CERS6: variants seen among roughly 807,000 people sequenced by gnomAD.
The protein encoded by CERS6 is LAG1 homolog, ceramide synthase 6.
Under a neutral mutation model 56.8 loss-of-function variants are expected in CERS6, and 26 were observed. The observed-to-expected ratio is 0.46, with a 90% CI of 0.34 to 0.63. The LOEUF (loss-of-function observed/expected upper bound fraction) is 0.63, where lower values mean the gene tolerates loss of function less well. Ranked by LOEUF, CERS6 falls within the 30% of genes least tolerant of loss-of-function variation. The probability of loss-of-function intolerance (pLI) is 0.01; values close to 1 mark genes in which losing one functional copy is unlikely to be tolerated. For synonymous variants in CERS6, 164 were observed against 173.3 expected (o/e 0.95, Z 0.42); for missense variants, 415 against 467.5 (o/e 0.89, Z 1.04).
rs1685996649 is a variant in CERS6 at position 168,674,242 on chromosome 2, A to T, written c.466-16792A>T. Among the ~76,000 whole-genome samples the T allele has an allele frequency of 1.3e-5, 2 of 152,226 alleles. 1 individual carries two copies. Among genetic ancestry groups the T allele is most frequent in the South Asian group, 4.1e-4 (2 of 4,832 alleles). Reference sequence around the variant, plus strand: ...TGTCCTCAGGATGATGATTTTTTAGAATAGTTAGACCTTAACTCAACATAA... The same window carrying T: ...TGTCCTCAGGATGATGATTTTTTAGTATAGTTAGACCTTAACTCAACATAA... On this transcript the variant is annotated intron_variant, in intron 4 of 9. Coordinates refer to ENST00000305747, the MANE Select transcript of CERS6 (RefSeq NM_203463.3).
At chr2:168,691,721 T>C (rs950865142) in intron 5 of CERS6, among the ~76,000 whole-genome samples, 1 of 152,202 alleles carries the variant, frequency 6.6e-6, no homozygotes, top group Non-Finnish European at 1.5e-5. Flanking sequence ...AAGCATGTGT[T>C]GTTGGGATCC....
chr2:168,476,448 C>T (rs1225525960), intron 1 of CERS6, among the ~76,000 whole-genome samples: 1 of 151,782 alleles, frequency 6.6e-6, no homozygotes, highest in African/African-American at 2.4e-5. Flanking sequence ...TTAGGGTTCT[C>T]CAGAGAAAAC....
chr2:168,463,213 T>C (rs1014894986), intron 1 of CERS6, among the ~76,000 whole-genome samples: 2 of 152,206 alleles, frequency 1.3e-5, no homozygotes, highest in African/African-American at 4.8e-5. Context: ...TCTAACAATT[T>C]TGGTGTCTCC....
intron 4 of CERS6, among the ~76,000 whole-genome samples, chr2:168,670,966 TCCCCCCCCC>T (rs35335379): frequency 3.3e-5 from 1 of 30,518 alleles, no homozygotes; most frequent in Non-Finnish European, 1.3e-4. Context: ...GATACATGCT[TCCCCCCCCC>T]CCCCCAGACG....
chr2:168,459,432 A>G (rs1175956573), intron 1 of CERS6, among the ~76,000 whole-genome samples: 1 of 152,230 alleles, frequency 6.6e-6, no homozygotes, highest in Non-Finnish European at 1.5e-5. Context: ...ATGTCACTTT[A>G]TGACAGCATA....
chr2:168,553,387 G>A (rs973551934), intron 2 of CERS6, among the ~76,000 whole-genome samples: 2 of 152,052 alleles, frequency 1.3e-5, no homozygotes, highest in African/African-American at 4.8e-5. Context: ...GTGAAAATGG[G>A]CCCAGAAAGT....
At position 168,765,747 on chromosome 2, in the gene CERS6, A is replaced by T. The variant is rs1227412298; in HGVS notation, c.1001A>T (p.Lys334Met). 1 of 1,608,750 alleles carries T rather than the reference A, an allele frequency of 6.2e-7. No homozygotes were observed. The highest frequency in any genetic ancestry group is 1.3e-5 in the African/African-American group (1 of 74,770). The change falls in exon 9 of 10, where the codon AAG becomes ATG. Residue 334 changes from lysine (K) to methionine (M), a missense_variant and splice_region_variant. Lys to Met is a moderately conservative substitution (Grantham distance 95, BLOSUM62 -1). Transcript: ENST00000305747. ...GCTTGCAAAGCTGTTTCAAGAGGCA[A>T]GGTAAGCTACAACTCACTTTTTCCA... ...KIACKAVSRG[K>M]VSKDDRSDIE...
intron 3 of CERS6, among the ~76,000 whole-genome samples, chr2:168,579,385 A>G (rs1471194035): frequency 6.6e-6 from 1 of 152,006 alleles, no homozygotes; most frequent in Non-Finnish European, 1.5e-5. Context: ...AGAGACCTAG[A>G]GCTTGCAAAG....
intron 8 of CERS6, among the ~76,000 whole-genome samples, chr2:168,764,263 C>T (rs2105464070): frequency 6.6e-6 from 1 of 152,248 alleles, no homozygotes; most frequent in South Asian, 2.1e-4. Flanking sequence ...CTGCCTCAGC[C>T]TCCCTAGTAG....
At chr2:168,574,300 G>C (rs955759405) in intron 3 of CERS6, among the ~76,000 whole-genome samples, 1 of 151,490 alleles carries the variant, frequency 6.6e-6, no homozygotes, top group Non-Finnish European at 1.5e-5. Flanking sequence ...AAACCCAAAA[G>C]CTTCTCTTAC....
chr2:168,493,093 T>C (rs572104385), intron 1 of CERS6, among the ~76,000 whole-genome samples: 1 of 152,314 alleles, frequency 6.6e-6, no homozygotes, highest in East Asian at 1.9e-4. Flanking sequence ...TTTTTCTCCA[T>C]TTGTTACAAA....
intron 8 of CERS6, among the ~76,000 whole-genome samples, chr2:168,736,350 A>G (rs1683718037): frequency 6.6e-6 from 1 of 152,172 alleles, no homozygotes; most frequent in Non-Finnish European, 1.5e-5. Context: ...TTAAAAAGAC[A>G]GAATCTTGCT....
At chr2:168,467,616 T>C (rs1693903178) in intron 1 of CERS6, among the ~76,000 whole-genome samples, 1 of 152,234 alleles carries the variant, frequency 6.6e-6, no homozygotes. Context: ...AACAGTGCTG[T>C]TTATCACCTG....
intron 9 of CERS6, 76 bp from the exon 10 acceptor site, chr2:168,769,434 C>A: frequency 7.6e-7 from 1 of 1,317,696 alleles, no homozygotes; most frequent in Non-Finnish European, 1.0e-6. Flanking sequence ...TTGTGTATGA[C>A]TGCATGTGCT....
intron 3 of CERS6, among the ~76,000 whole-genome samples, chr2:168,598,992 A>G (rs1275075961): frequency 1.3e-5 from 2 of 152,168 alleles, no homozygotes; most frequent in African/African-American, 4.8e-5. Flanking sequence ...AGCACTTGAC[A>G]TTTGTGTAGC....
chr2:168,688,575 G>A (rs1686416659), intron 4 of CERS6, among the ~76,000 whole-genome samples: 1 of 152,128 alleles, frequency 6.6e-6, no homozygotes, highest in African/African-American at 2.4e-5. Flanking sequence ...CACAGTGTTT[G>A]GGGGGTATAA....
intron 3 of CERS6, among the ~76,000 whole-genome samples, chr2:168,565,074 G>C (rs1402663294): frequency 6.6e-6 from 1 of 152,166 alleles, no homozygotes; most frequent in African/African-American, 2.4e-5. Context: ...AAAATTACCT[G>C]ACTATGGAAA....
chr2:168,621,280 A>G (rs1156490968), intron 3 of CERS6, among the ~76,000 whole-genome samples: 2 of 152,214 alleles, frequency 1.3e-5, no homozygotes, highest in African/African-American at 4.8e-5. Flanking sequence ...TTGCCAGTGC[A>G]TGTTCCGAAG....
intron 2 of CERS6, among the ~76,000 whole-genome samples, chr2:168,556,504 TTCTATA>T (rs1430593819): frequency 6.6e-6 from 1 of 152,140 alleles, no homozygotes; most frequent in Non-Finnish European, 1.5e-5. Context: ...GCCCCTTACT[TTCTATA>T]TCTATATTTC....
Sources: gnomAD v4.1 joint callset for allele counts (sites outside exome capture counted in the v4.1 genomes callset) on GRCh38, gnomAD v4.1.1 for gene constraint, MANE v1.5 for transcripts, NCBI Gene and HGNC (gene_info 2026-07-23, HGNC 2026-07-21) for gene names.